The following CGGBP1 variants were observed in gnomAD, a reference collection of about 807,000 sequenced individuals.
CGGBP1 encodes the protein CGG triplet repeat-binding protein 1.
Under a neutral mutation model 11.4 loss-of-function variants are expected in CGGBP1, and 4 were observed. The observed-to-expected ratio is 0.35, with a 90% confidence interval of 0.17 to 0.80. The LOEUF (loss-of-function observed/expected upper bound fraction) is 0.80, where lower values mean the gene tolerates loss of function less well. Among genes scored for constraint, CGGBP1 ranks in the 30% least tolerant of loss-of-function variants. The probability of loss-of-function intolerance (pLI) is 0.52; values close to 1 mark genes in which losing one functional copy is unlikely to be tolerated. For missense variants in CGGBP1, 135 were observed against 202.1 expected, an observed-to-expected ratio of 0.67 and a Z score of 2.01; for synonymous variants, 76 against 74.1, an observed-to-expected ratio of 1.03 and a Z score of -0.13.
chr3:88,055,346 T>C lies in CGGBP1; in HGVS notation c.*127A>G. On this transcript the variant is annotated 3_prime_UTR_variant, in exon 4 of 4. Coordinates refer to ENST00000482016, the MANE Select transcript of CGGBP1 (RefSeq NM_001008390.2). The surrounding 1 kb of genome is among the most constrained non-coding windows in gnomAD (Gnocchi z 4.2). Reference sequence around the variant, plus strand: ...GGTTTTTTTTTTGCCTGCAACTATATACACATTGCAAAACTATTCTGCGTC... The same window carrying C: ...GGTTTTTTTTTTGCCTGCAACTATACACACATTGCAAAACTATTCTGCGTC... 5.4e-6 allele frequency: 5 copies of C among 923,748 alleles called. No homozygotes were observed. Among genetic ancestry groups the C allele is most frequent in the African/African-American group, 1.7e-5 (1 of 60,524 alleles). 57.2% of individuals were successfully genotyped at this position (923,748 alleles called of 1,614,324 possible).
intron 2 of CGGBP1, among the ~76,000 whole-genome samples, chr3:88,080,948 T>C (rs1708045304): frequency 6.6e-6 from 1 of 152,228 alleles, no homozygotes; most frequent in African/African-American, 2.4e-5. Flanking sequence ...TTTCCATTGA[T>C]GTTCTTTTCC....
At position 88,136,129 on chromosome 3, in the gene CGGBP1, G is replaced by A. The variant is rs187141875; in HGVS notation, c.-229+4841C>T. On this transcript the variant is annotated intron_variant, in intron 2 of 3. Coordinates refer to the CGGBP1 transcript ENST00000462901. ...AGAGGAAAACTATGTTACAGAACAC[G>A]TCTTAACATTTGATGTGCATCAGAA... is the stretch of plus-strand genomic sequence containing the variant. Among the ~76,000 whole-genome samples the A allele has an allele frequency of 4.4e-3, 677 of 152,136 alleles. 3 individuals carry two copies. Among genetic ancestry groups the A allele is most frequent in the African/African-American group, 0.015 (627 of 41,534 alleles).
chr3:88,078,523 A>G (rs935468359), intron 2 of CGGBP1, among the ~76,000 whole-genome samples: 7 of 152,168 alleles, frequency 4.6e-5, no homozygotes, highest in African/African-American at 1.7e-4. Flanking sequence ...AGATAGGGGC[A>G]AATATTCTGT....
At chr3:88,097,344 C>T (rs1576267940) in intron 2 of CGGBP1, among the ~76,000 whole-genome samples, 1 of 151,666 alleles carries the variant, frequency 6.6e-6, no homozygotes, top group Non-Finnish European at 1.5e-5. Flanking sequence ...AACCAGTTTT[C>T]TCACACCTTT....
intron 2 of CGGBP1, among the ~76,000 whole-genome samples, chr3:88,096,722 G>A (rs1440229099): frequency 1.3e-5 from 2 of 151,924 alleles, no homozygotes; most frequent in Non-Finnish European, 2.9e-5. Context: ...TTTAATTTTT[G>A]AGTAGGTAAT....
At chr3:88,077,023 G>T (rs577005551) in intron 2 of CGGBP1, among the ~76,000 whole-genome samples, 6 of 152,138 alleles carry the variant, frequency 3.9e-5, no homozygotes, top group South Asian at 2.1e-4. Flanking sequence ...TGGAGTAAAA[G>T]AATTTTAGGG....
At chr3:88,097,231 A>G (rs1388931225) in intron 2 of CGGBP1, among the ~76,000 whole-genome samples, 1 of 152,128 alleles carries the variant, frequency 6.6e-6, no homozygotes, top group Non-Finnish European at 1.5e-5. Flanking sequence ...ATCACTTATC[A>G]CACATTTATA....
chr3:88,109,717 AT>A (rs1704974957), intron 2 of CGGBP1, among the ~76,000 whole-genome samples: 1 of 152,168 alleles, frequency 6.6e-6, no homozygotes, highest in Non-Finnish European at 1.5e-5. Flanking sequence ...CCGGATAATT[AT>A]TTCAATTTAG....
rs1705207218 is a variant in CGGBP1, at chr3:88,113,365, T to TA, written c.-229+27604dup. On this transcript the variant is annotated intron_variant, in intron 2 of 3. Transcript: ENST00000462901. ...GGCTGATAAAGAAAATTCATACAAT[T>TA]AATTTTTAACTGTATTTCCAAGCAG... Among the ~76,000 whole-genome samples, 3 of 152,252 alleles carry TA rather than the reference T, an allele frequency of 2.0e-5. No individual in the cohort carries two copies. In the South Asian group the frequency reaches 6.2e-4, roughly 32 times the overall value.
chr3:88,079,058 C>T lies in CGGBP1; in HGVS notation c.-228-20835G>A, dbSNP rs150247082. Reference sequence around the variant, plus strand: ...AGAATGGGAAAAGTGAGAGGATTAACGTACAGTTATACCGTAAAAAATCAA... The same window carrying T: ...AGAATGGGAAAAGTGAGAGGATTAATGTACAGTTATACCGTAAAAAATCAA... On this transcript the variant is annotated intron_variant, in intron 2 of 3. Coordinates refer to the CGGBP1 transcript ENST00000462901. Among the ~76,000 whole-genome samples, 12 of 152,088 alleles carry T rather than the reference C, an allele frequency of 7.9e-5. No homozygotes were observed. In the East Asian group the frequency reaches 1.7e-3, roughly 22 times the overall value.
intron 2 of CGGBP1, among the ~76,000 whole-genome samples, chr3:88,127,693 A>G (rs901341729): frequency 6.6e-6 from 1 of 152,110 alleles, no homozygotes; most frequent in African/African-American, 2.4e-5. Context: ...TCTAGAATAA[A>G]CCTGTTGTTC....
At position 88,140,069 on chromosome 3, in the gene CGGBP1, A is replaced by G. The variant is rs778486435; in HGVS notation, c.-229+901T>C. 1.2e-5 allele frequency: 19 copies of G among 1,613,720 alleles called. No homozygotes were observed. The African/African-American group carries it at 1.6e-4, about 14-fold the overall frequency. The stretch of plus-strand genomic sequence containing the variant: ...GTCAAAGGCAATTTGAAGATTCTCA[A>G]CATTTTATAGACCACCTTAATAGAC... On this transcript the variant is annotated intron_variant, in intron 2 of 3. Transcript: ENST00000462901.
intron 2 of CGGBP1, among the ~76,000 whole-genome samples, chr3:88,081,318 C>G (rs1398004799): frequency 6.6e-6 from 1 of 151,154 alleles, no homozygotes; most frequent in Non-Finnish European, 1.5e-5. Context: ...TGTAATGTTA[C>G]TGTCTTTATA....
rs370619885 is a variant in CGGBP1, at chr3:88,128,528, AAAG to A, written c.-229+12439_-229+12441del. Among the ~76,000 whole-genome samples, 77 of 152,150 alleles carry A rather than the reference AAAG, an allele frequency of 5.1e-4. 2 individuals carry two copies. The East Asian group carries it at 7.5e-3, about 15-fold the overall frequency. ...CATATTTTAACATATTAATGAACTG[AAAG>A]AAGAAAAAAAATTTTTTTTTAAATT... On this transcript the variant is annotated intron_variant, in intron 2 of 3. Coordinates refer to the CGGBP1 transcript ENST00000462901.
chr3:88,102,769 A>G (rs1353105962), intron 2 of CGGBP1, among the ~76,000 whole-genome samples: 1 of 149,740 alleles, frequency 6.7e-6, no homozygotes, highest in Non-Finnish European at 1.5e-5. Context: ...AGAAGAAAAG[A>G]CATGCCTCTT....
chr3:88,110,733 A>AAACATAG (rs1180084446), intron 2 of CGGBP1, among the ~76,000 whole-genome samples: 6 of 152,156 alleles, frequency 3.9e-5, no homozygotes, highest in African/African-American at 1.4e-4. Flanking sequence ...TTGACTATTT[A>AAACATAG]TACAGTCAAT....
Position 88,055,580 on chromosome 3 carries a change from G to A in CGGBP1, c.397C>T (p.His133Tyr). The change falls in exon 4 of 4, where the codon CAT becomes TAT. Residue 133 changes from histidine (H) to tyrosine (Y), a missense_variant. Transcript: ENST00000482016. The surrounding 1 kb of genome is among the most constrained non-coding windows in gnomAD (Gnocchi z 4.2). ...HPAVRAFLSRHVKNGGSIPKS... is the reference protein window; with the variant it reads ...HPAVRAFLSRYVKNGGSIPKS... ...GGTATGGAGCCTCCATTCTTCACAT[G>A]GCGAGATAGGAAAGCACGGACTGCT... The A allele has an allele frequency of 6.2e-7, 1 of 1,612,018 alleles. No homozygotes were observed. Among genetic ancestry groups the A allele is most frequent in the East Asian group, 2.2e-5 (1 of 44,800 alleles).
chr3:88,140,416 A>C (rs767964701), intron 2 of CGGBP1: 6 of 1,613,312 alleles, frequency 3.7e-6, no homozygotes, highest in Non-Finnish European at 5.1e-6. Flanking sequence ...TCTACTAGCA[A>C]ATCAAGGAAA....
At position 88,077,303 on chromosome 3, in the gene CGGBP1, C is replaced by G. The variant is rs189449142; in HGVS notation, c.-228-19080G>C. Among the ~76,000 whole-genome samples the G allele has an allele frequency of 2.7e-3, 398 of 149,814 alleles. 2 individuals are homozygous for G. Among genetic ancestry groups the G allele is most frequent in the African/African-American group, 8.5e-3 (346 of 40,808 alleles). On this transcript the variant is annotated intron_variant, in intron 2 of 3. Coordinates refer to the CGGBP1 transcript ENST00000462901. Reference sequence around the variant, plus strand: ...TTGCCCTGGCTTATGTTGGTAGTTACAAAAAAGAGAAAAAGTTGCAGACTT... The same window carrying G: ...TTGCCCTGGCTTATGTTGGTAGTTAGAAAAAAGAGAAAAAGTTGCAGACTT...
Sources: gnomAD v4.1 joint callset for allele counts (sites outside exome capture counted in the v4.1 genomes callset) on GRCh38, gnomAD v4.1.1 for gene constraint, Gnocchi (gnomAD v3.1) non-coding constraint, MANE v1.5 for transcripts, NCBI Gene and HGNC (gene_info 2026-07-23, HGNC 2026-07-21) for gene names.